Variants in LRRC37A observed in about 807,000 individuals in gnomAD.
LRRC37A encodes leucine-rich repeat-containing protein 37A.
In LRRC37A, 3 loss-of-function variants were observed where a neutral mutation model predicts 35.4. The ratio of observed to expected loss-of-function variants is 0.08; its 90% confidence interval spans 0.04 to 0.22. The LOEUF is 0.22. LRRC37A is among the 10% of genes least tolerant of loss of function. The pLI is 1.00. For synonymous variants in LRRC37A, 23 were observed against 215.0 expected (o/e 0.11, Z 7.81); for missense variants, 67 against 565.3 (o/e 0.12, Z 8.94).
the LRRC37A span, chr17:46,259,856 A>T: frequency 6.4e-7 from 1 of 1,562,096 alleles, no homozygotes; most frequent in Non-Finnish European, 8.7e-7. Context: ...GCCCCTTGGG[A>T]CCCTAACTTG....
the LRRC37A span, among the ~76,000 whole-genome samples, chr17:46,249,747 C>T: frequency 1.3e-5 from 2 of 152,196 alleles, no homozygotes; most frequent in African/African-American, 4.8e-5. Flanking sequence ...CCTGAAATAG[C>T]AAGAAGCTGG....
chr17:46,334,603 G>A (rs1426768719), intron 10 of LRRC37A: 1 of 44,274 alleles, frequency 2.3e-5, no homozygotes, highest in Non-Finnish European at 4.0e-5. Flanking sequence ...AAATGTGTTC[G>A]TAGAGACAAG....
the LRRC37A span, chr17:46,259,922 C>G: frequency 6.4e-7 from 1 of 1,573,830 alleles, no homozygotes; most frequent in Non-Finnish European, 8.6e-7. Context: ...AAGGAGGGAC[C>G]CACAAGCTGC....
chr17:46,286,772 A>G, the LRRC37A span, among the ~76,000 whole-genome samples: 2 of 152,262 alleles, frequency 1.3e-5, no homozygotes, highest in Admixed American at 6.5e-5. Context: ...AAATTATTAA[A>G]TGTGATGCTC....
At chr17:46,282,046 T>C in the LRRC37A span, among the ~76,000 whole-genome samples, 10,958 of 141,218 alleles carry the variant, frequency 0.078, no homozygotes, top group Non-Finnish European at 0.12. Context: ...TTTAATTCCT[T>C]TGCTGAGAAT....
At position 46,300,026 on chromosome 17, in the gene LRRC37A, T is replaced by G. The variant is rs1474162773; in HGVS notation, c.2681+161T>G. On this transcript the variant is annotated intron_variant, in intron 2 of 13. Transcript: ENST00000320254. ...ATTGTATGGTCATTTTAAAATTAAA[T>G]TTGGTAGGCTCTCTTTAAAATAAGA... 1.1e-4 allele frequency among the ~76,000 whole-genome samples: 4 copies of G among 35,206 alleles called. 1 individual carries two copies. Among genetic ancestry groups the G allele is most frequent in the Non-Finnish European group, 3.9e-4 (4 of 10,270 alleles). 23.1% of individuals were successfully genotyped at this position (35,206 alleles called of 152,430 possible).
chr17:46,249,910 T>G, the LRRC37A span, among the ~76,000 whole-genome samples: 1 of 152,216 alleles, frequency 6.6e-6, no homozygotes, highest in African/African-American at 2.4e-5. Context: ...GTTCAAGCAA[T>G]TCTCCTGCCT....
At chr17:46,317,106 C>G (rs1388472644) in intron 5 of LRRC37A, among the ~76,000 whole-genome samples, 1 of 86,210 alleles carries the variant, frequency 1.2e-5, no homozygotes, top group Non-Finnish European at 3.5e-5. Flanking sequence ...CATCATGGCC[C>G]GTTCTCAATG....
chr17:46,291,536 G>A (rs79564601), upstream of LRRC37A, among the ~76,000 whole-genome samples: 12,695 of 143,836 alleles, frequency 0.088, 2 homozygotes, highest in Middle Eastern at 0.14. Flanking sequence ...GGGCTACACT[G>A]GGCTTCAGGA....
At chr17:46,265,469 T>TCCTCCTCCTCCTCCTCC in the LRRC37A span, among the ~76,000 whole-genome samples, 2 of 150,346 alleles carry the variant, frequency 1.3e-5, no homozygotes, top group Admixed American at 6.8e-5. Context: ...CTCCTCTTCC[T>TCCTCCTCCTCCTCCTCC]TCTTCTTCTT....
the LRRC37A span, among the ~76,000 whole-genome samples, chr17:46,278,100 C>T: frequency 6.6e-6 from 1 of 152,130 alleles, no homozygotes; most frequent in Admixed American, 6.6e-5. Context: ...GCGTGCACCA[C>T]CATGCCTGGC....
chr17:46,275,543 C>A, the LRRC37A span: 1 of 531,192 alleles, frequency 1.9e-6, no homozygotes, highest in Non-Finnish European at 3.5e-6. Flanking sequence ...CCTTGGCAAG[C>A]GAATAGAAAA....
At chr17:46,324,082 C>T (rs1400757462) in intron 7 of LRRC37A, among the ~76,000 whole-genome samples, 4 of 118,858 alleles carry the variant, frequency 3.4e-5, no homozygotes, top group African/African-American at 8.8e-5. Context: ...AGTAGTATTC[C>T]GGTTGTGTGG....
chr17:46,326,939 T>C (rs2051759952), intron 7 of LRRC37A, among the ~76,000 whole-genome samples: 1 of 67,368 alleles, frequency 1.5e-5, no homozygotes, highest in African/African-American at 4.8e-5. Flanking sequence ...TTGCCCAAAT[T>C]TACGTATTGG....
chr17:46,273,173 G>C, the LRRC37A span, among the ~76,000 whole-genome samples: 1 of 152,212 alleles, frequency 6.6e-6, no homozygotes, highest in East Asian at 1.9e-4. Context: ...CAGAAATACT[G>C]TGACGTGATG....
the LRRC37A span, among the ~76,000 whole-genome samples, chr17:46,287,700 C>G: frequency 6.6e-6 from 1 of 152,170 alleles, no homozygotes; most frequent in Non-Finnish European, 1.5e-5. Context: ...GGGTAGGGAA[C>G]GTGGAAGGAG....
chr17:46,286,229 G>A, the LRRC37A span, among the ~76,000 whole-genome samples: 5 of 152,210 alleles, frequency 3.3e-5, no homozygotes, highest in Non-Finnish European at 2.9e-5. Flanking sequence ...TTTCAAGATC[G>A]ACATTCCAGT....
chr17:46,265,868 G>A, the LRRC37A span, among the ~76,000 whole-genome samples: 1 of 152,306 alleles, frequency 6.6e-6, no homozygotes, highest in African/African-American at 2.4e-5. Context: ...AGGCCAAGGC[G>A]GGTGGATGGC....
the LRRC37A span, among the ~76,000 whole-genome samples, chr17:46,265,433 CTCT>C: frequency 6.7e-6 from 1 of 149,402 alleles, no homozygotes; most frequent in African/African-American, 2.5e-5. Context: ...ACTCTTCTTC[CTCT>C]TCCTCTCCTC....
Sources: gnomAD v4.1 joint callset for allele counts (sites outside exome capture counted in the v4.1 genomes callset) on GRCh38, gnomAD v4.1.1 for gene constraint, MANE v1.5 for transcripts, NCBI Gene and HGNC (gene_info 2026-07-23, HGNC 2026-07-21) for gene names.